Variants in COMMD5 observed in about 807,000 individuals in gnomAD.
The protein encoded by COMMD5 is COMM domain containing 5.
Under a neutral mutation model 6.9 loss-of-function variants are expected in COMMD5, and 10 were observed. The observed-to-expected ratio is 1.44, with a 90% confidence interval of 0.89 to 2.45. The LOEUF (loss-of-function observed/expected upper bound fraction) is 2.45, where lower values mean the gene tolerates loss of function less well. Among genes scored for constraint, COMMD5 ranks in the 30% most tolerant of loss-of-function variants. COMMD5 has a pLI of 0.00. For synonymous variants in COMMD5, 127 were observed against 125.3 expected (o/e 1.01, Z -0.09); for missense variants, 234 against 287.8 (o/e 0.81, Z 1.35).
At chr8:144,846,051 G>T (rs1341216297), downstream of COMMD5, 4 of 1,536,578 alleles carry the variant, frequency 2.6e-6, no homozygotes, top group Non-Finnish European at 8.7e-7. Context: ...CCTGTTCCTG[G>T]CCTTCCAAAA....
downstream of COMMD5, chr8:144,838,093 G>A: frequency 1.4e-6 from 1 of 702,992 alleles, no homozygotes; most frequent in Non-Finnish European, 2.6e-6. Flanking sequence ...ATCCTGTCCT[G>A]CCTCTCCGGG....
downstream of COMMD5, chr8:144,845,945 CA>C: frequency 6.5e-7 from 1 of 1,532,606 alleles, no homozygotes; most frequent in Non-Finnish European, 8.7e-7. Flanking sequence ...TCAGGTCTAG[CA>C]CAGGGGTTGC....
downstream of COMMD5, among the ~76,000 whole-genome samples, chr8:144,839,452 C>T (rs1022850135): frequency 5.3e-5 from 8 of 152,250 alleles, no homozygotes; most frequent in African/African-American, 1.9e-4. Flanking sequence ...TAAAACCCAG[C>T]CGCCCATTAA....
At chr8:144,840,925 C>T (rs1158727028), downstream of COMMD5, 1 of 162,552 alleles carries the variant, frequency 6.2e-6, no homozygotes, top group African/African-American at 2.4e-5. Flanking sequence ...TTCCTCATCA[C>T]AATCCATGCT....
downstream of COMMD5, chr8:144,840,997 C>T (rs1187440806): frequency 4.9e-5 from 11 of 222,698 alleles, no homozygotes; most frequent in African/African-American, 2.3e-4. Flanking sequence ...GAGCCCCTGA[C>T]CCCGCAGCCC....
rs1296236822 is a variant in COMMD5, at chr8:144,843,459, G to A, written c.*117-1716C>T. 3 of 241,210 alleles carry A rather than the reference G, an allele frequency of 1.2e-5. No homozygotes were observed. The East Asian group carries it at 2.7e-4, about 21-fold the overall frequency. The allele number at this position is 241,210 out of a possible 1,614,324, so 14.9% of individuals were successfully genotyped here. Reference sequence around the variant, plus strand: ...AAAATTTAGCTGGGCGTGGTGGCAGGCACCTGTGGTCCCAGCTGCTCGGGA... The same window carrying A: ...AAAATTTAGCTGGGCGTGGTGGCAGACACCTGTGGTCCCAGCTGCTCGGGA... On this transcript the variant is annotated intron_variant and NMD_transcript_variant, in intron 1 of 1. Coordinates refer to the COMMD5 transcript ENST00000530332.
downstream of COMMD5, among the ~76,000 whole-genome samples, chr8:144,839,648 C>A (rs578105934): frequency 3.0e-4 from 46 of 152,372 alleles, no homozygotes; most frequent in African/African-American, 1.1e-3. Context: ...CACTTGCTCG[C>A]AGACCTGAGA....
chr8:144,853,554 CGT>C (rs1227198074), upstream of COMMD5: 1 of 152,244 alleles, frequency 6.6e-6, no homozygotes, highest in Non-Finnish European at 1.5e-5. Flanking sequence ...GTCCGGCGCG[CGT>C]GACTCGGTTC....
chr8:144,846,197 T>G, downstream of COMMD5: 1 of 1,535,334 alleles, frequency 6.5e-7, no homozygotes, highest in Non-Finnish European at 8.7e-7. Context: ...GATTCTGTGC[T>G]AACCATAATG....
chr8:144,841,313 A>C (rs1829879948), exon 2 of COMMD5: 1 of 1,545,220 alleles, frequency 6.5e-7, no homozygotes, highest in Admixed American at 1.9e-5. Context: ...CATTTCTCTG[A>C]GCACAGGGCC....
downstream of COMMD5, among the ~76,000 whole-genome samples, chr8:144,839,814 G>A (rs940195457): frequency 8.5e-5 from 13 of 152,246 alleles, no homozygotes; most frequent in Non-Finnish European, 1.5e-4. Flanking sequence ...CAGTGGAGGA[G>A]CGGCCAGGTC....
intron 1 of COMMD5, chr8:144,843,349 G>A (rs1184982070): frequency 7.2e-6 from 5 of 696,466 alleles, no homozygotes; most frequent in African/African-American, 3.7e-5. Context: ...CAGCACTTTG[G>A]GAGGCCAAGG....
At chr8:144,845,538 C>T (rs879679548), downstream of COMMD5, among the ~76,000 whole-genome samples, 7 of 152,162 alleles carry the variant, frequency 4.6e-5, no homozygotes, top group Non-Finnish European at 1.0e-4. Flanking sequence ...TGAATTTTCA[C>T]GTGAATCTGC....
chr8:144,842,670 A>T, intron 1 of COMMD5: 1 of 1,614,172 alleles, frequency 6.2e-7, no homozygotes. Flanking sequence ...TCCATAAAGG[A>T]GAGAAGCCCT....
In COMMD5 at chr8:144,843,456, C is replaced by G. The variant is rs567120712; in HGVS notation, c.*117-1713G>C. 9 of 247,224 alleles carry G rather than the reference C, an allele frequency of 3.6e-5. No individual in the cohort carries two copies. The South Asian group carries it at 3.6e-4, about 10-fold the overall frequency. The allele number at this position is 247,224 out of a possible 1,614,324, so 15.3% of individuals were successfully genotyped here. ...ACAAAAATTTAGCTGGGCGTGGTGG[C>G]AGGCACCTGTGGTCCCAGCTGCTCG... On this transcript the variant is annotated intron_variant and NMD_transcript_variant, in intron 1 of 1. Transcript: ENST00000530332.
At chr8:144,844,263 G>C (rs905708050) in intron 1 of COMMD5, among the ~76,000 whole-genome samples, 2 of 152,180 alleles carry the variant, frequency 1.3e-5, no homozygotes, top group Non-Finnish European at 2.9e-5. Flanking sequence ...TCAAGCAAAT[G>C]CAAGTACCAA....
At chr8:144,843,222 CTTAT>C (rs1196651899) in intron 1 of COMMD5, 1 of 1,494,958 alleles carries the variant, frequency 6.7e-7, no homozygotes, top group South Asian at 1.4e-5. Context: ...CCTTAACTTA[CTTAT>C]TTTATATGGA....
chr8:144,840,418 G>C (rs1829730225), downstream of COMMD5, among the ~76,000 whole-genome samples: 1 of 152,236 alleles, frequency 6.6e-6, no homozygotes, highest in Non-Finnish European at 1.5e-5. Context: ...GTGCATTCAT[G>C]TGGGGTAGAC....
At chr8:144,843,234 G>GGAATCGTTTATACTGACAAACATGTA (rs1329150054) in intron 1 of COMMD5, 1 of 1,479,932 alleles carries the variant, frequency 6.8e-7, no homozygotes, top group Non-Finnish European at 9.0e-7. Flanking sequence ...TATTTTATAT[G>GGAATCGTTTATACTGACAAACATGTA]GAATCGTTTA....
Sources: allele counts gnomAD v4.1 joint callset (sites outside exome capture counted in the v4.1 genomes callset), GRCh38; gene constraint gnomAD v4.1.1; transcripts MANE v1.5; gene names NCBI Gene and HGNC (gene_info 2026-07-23, HGNC 2026-07-21).